The following SUMF1 variants were observed in gnomAD, a reference collection of about 807,000 sequenced individuals.
SUMF1 encodes the protein sulfatase modifying factor 1.
Under a neutral mutation model 47.6 loss-of-function variants are expected in SUMF1, and 48 were observed. The observed-to-expected ratio is 1.01, with a 90% CI of 0.80 to 1.28. The LOEUF (loss-of-function observed/expected upper bound fraction) is 1.28, where lower values mean the gene tolerates loss of function less well. SUMF1 is among the 50% of genes most tolerant of loss of function. SUMF1 has a pLI of 0.00. For missense variants in SUMF1, 571 were observed against 485.4 expected (o/e 1.18, Z -1.66); for synonymous variants, 230 against 192.1 (o/e 1.20, Z -1.63).
intron 9 of SUMF1, among the ~76,000 whole-genome samples, chr3:4,061,129 G>T (rs1428791613): frequency 3.9e-5 from 6 of 152,122 alleles, no homozygotes; most frequent in African/African-American, 1.4e-4. Flanking sequence ...TTTGAGAATT[G>T]GGCAGCCCCC....
At chr3:4,301,800 C>T (rs1333464274) in intron 8 of SUMF1, among the ~76,000 whole-genome samples, 1 of 152,192 alleles carries the variant, frequency 6.6e-6, no homozygotes, top group Non-Finnish European at 1.5e-5. Context: ...GGACAGAAAA[C>T]AGAAATGCTC....
downstream of SUMF1, among the ~76,000 whole-genome samples, chr3:4,360,910 C>A (rs1699736121): frequency 6.6e-6 from 1 of 152,078 alleles, no homozygotes; most frequent in Non-Finnish European, 1.5e-5. Flanking sequence ...TGAGGCAGTG[C>A]CTTTGACTTG....
chr3:4,093,234 C>G (rs1385869272), intron 8 of SUMF1, among the ~76,000 whole-genome samples: 1 of 152,036 alleles, frequency 6.6e-6, no homozygotes, highest in East Asian at 1.9e-4. Context: ...TAGCACATAG[C>G]AAGTATTCAA....
chr3:4,175,578 G>A (rs1011708328), intron 8 of SUMF1, among the ~76,000 whole-genome samples: 14 of 152,130 alleles, frequency 9.2e-5, no homozygotes, highest in African/African-American at 2.7e-4. Flanking sequence ...CCACAAAGAT[G>A]GGGAGAAACC....
intron 8 of SUMF1, among the ~76,000 whole-genome samples, chr3:4,166,541 T>C (rs963120995): frequency 1.3e-5 from 2 of 152,096 alleles, no homozygotes; most frequent in African/African-American, 2.4e-5. Flanking sequence ...CCAAAATTTA[T>C]ACTAGAAATC....
intron 8 of SUMF1, among the ~76,000 whole-genome samples, chr3:4,221,221 A>G (rs1696053178): frequency 6.6e-6 from 1 of 152,132 alleles, no homozygotes; most frequent in Non-Finnish European, 1.5e-5. Flanking sequence ...CCATAGACAC[A>G]TATGCCAATG....
intron 9 of SUMF1, among the ~76,000 whole-genome samples, chr3:4,055,858 T>G (rs1000031095): frequency 4.6e-5 from 7 of 152,196 alleles, no homozygotes; most frequent in South Asian, 2.1e-4. Context: ...CAAGGCCATA[T>G]TCCTTCCCAG....
intron 8 of SUMF1, among the ~76,000 whole-genome samples, chr3:4,088,405 A>G (rs538020974): frequency 6.6e-6 from 1 of 152,214 alleles, no homozygotes; most frequent in Admixed American, 6.5e-5. Context: ...TGTTTTGTGA[A>G]CAACTATTAT....
In SUMF1 at chr3:4,341,242, A is replaced by C. The variant is rs571240227; in HGVS notation, c.1014+35088T>G. Among the ~76,000 whole-genome samples the C allele has an allele frequency of 8.5e-5, 13 of 152,092 alleles. No individual in the cohort carries two copies. In the South Asian group the frequency reaches 2.7e-3, roughly 32 times the overall value. On this transcript the variant is annotated intron_variant and NMD_transcript_variant, in intron 8 of 12. Coordinates refer to the SUMF1 transcript ENST00000448413. ...CATTATGATGACAACATTAAAAAAA[A>C]AGAAAAAGAAAAATAGGAGAGTTGG...
intron 8 of SUMF1, among the ~76,000 whole-genome samples, chr3:4,247,882 C>T (rs901930777): frequency 1.3e-5 from 2 of 152,184 alleles, no homozygotes; most frequent in African/African-American, 4.8e-5. Flanking sequence ...ATTGAAAACT[C>T]ACAACATATA....
intron 8 of SUMF1, among the ~76,000 whole-genome samples, chr3:4,143,714 T>A (rs1217166483): frequency 6.6e-6 from 1 of 151,920 alleles, no homozygotes; most frequent in Non-Finnish European, 1.5e-5. Flanking sequence ...GCCCAGGGAG[T>A]TAGGTAACTT....
At chr3:4,237,855 T>C (rs1394810155) in intron 8 of SUMF1, among the ~76,000 whole-genome samples, 1 of 152,190 alleles carries the variant, frequency 6.6e-6, no homozygotes, top group African/African-American at 2.4e-5. Flanking sequence ...TAGGTATACA[T>C]GTGCCATGGT....
At chr3:4,428,109 C>T (rs1702122511) in intron 3 of SUMF1, among the ~76,000 whole-genome samples, 2 of 152,028 alleles carry the variant, frequency 1.3e-5, no homozygotes, top group Admixed American at 1.3e-4. Context: ...TGAACGAATA[C>T]ATCATAGTCA....
At chr3:4,303,601 G>C in intron 8 of SUMF1, 5 of 1,374,980 alleles carry the variant, frequency 3.6e-6, no homozygotes, top group Non-Finnish European at 4.7e-6. Flanking sequence ...CGCCTCGCTG[G>C]GACGGCCTCC....
At chr3:4,375,358 G>A (rs932555785) in intron 8 of SUMF1, among the ~76,000 whole-genome samples, 1 of 152,022 alleles carries the variant, frequency 6.6e-6, no homozygotes, top group Non-Finnish European at 1.5e-5. Flanking sequence ...CCCGAACTTG[G>A]CTGTATGTTT....
rs532544696 is a variant in SUMF1, at chr3:4,115,325, C to G, written c.1015-46580G>C. Among the ~76,000 whole-genome samples the G allele has an allele frequency of 3.3e-5, 5 of 152,242 alleles. No individual in the cohort carries two copies. In the East Asian group the frequency reaches 9.6e-4, roughly 29 times the overall value. On this transcript the variant is annotated intron_variant and NMD_transcript_variant, in intron 8 of 12. Transcript: ENST00000448413. ...TACTCAACGAAACTCTGCACTCATT[C>G]TCCAAGCCCGCGTGTGATCCGATTT...
intron 7 of SUMF1, among the ~76,000 whole-genome samples, chr3:4,391,736 G>A (rs1398275873): frequency 6.6e-6 from 1 of 152,158 alleles, no homozygotes; most frequent in Non-Finnish European, 1.5e-5. Context: ...ACCTGCCACA[G>A]CCTCCAAAAG....
At chr3:4,323,281 G>A (rs536003309) in intron 8 of SUMF1, among the ~76,000 whole-genome samples, 3 of 152,222 alleles carry the variant, frequency 2.0e-5, no homozygotes, top group East Asian at 1.9e-4. Context: ...ACAGAAACCG[G>A]ACACAACAGG....
intron 8 of SUMF1, among the ~76,000 whole-genome samples, chr3:4,171,465 A>C (rs1312413466): frequency 6.6e-6 from 1 of 152,232 alleles, no homozygotes; most frequent in African/African-American, 2.4e-5. Context: ...GGTCATCTGA[A>C]TCATTCAGGC....
Sources: gnomAD v4.1 joint callset for allele counts (sites outside exome capture counted in the v4.1 genomes callset) on GRCh38, gnomAD v4.1.1 for gene constraint, MANE v1.5 for transcripts, NCBI Gene and HGNC (gene_info 2026-07-23, HGNC 2026-07-21) for gene names.